Variants in NUMB observed in about 807,000 individuals in gnomAD.
NUMB encodes NUMB endocytic adaptor protein.
NUMB carries 29 observed loss-of-function variants against 59.7 expected under a neutral mutation model. The observed-to-expected ratio is 0.49, with a 90% CI of 0.36 to 0.66. NUMB has a LOEUF of 0.66. Among genes scored for constraint, NUMB ranks in the 30% least tolerant of loss-of-function variants. The pLI, the probability that NUMB is intolerant of heterozygous loss-of-function variation, is 0.00. For missense variants in NUMB, 723 were observed against 822.0 expected, an observed-to-expected ratio of 0.88 and a Z score of 1.47; for synonymous variants, 288 against 288.2, an observed-to-expected ratio of 1.00 and a Z score of 0.01.
At chr14:73,315,343 T>C (rs1318814823) in intron 6 of NUMB, among the ~76,000 whole-genome samples, 1 of 152,170 alleles carries the variant, frequency 6.6e-6, no homozygotes, top group Non-Finnish European at 1.5e-5. Flanking sequence ...TTTTCTCTCA[T>C]ACTGTCTCAG....
At chr14:73,419,326 C>G (rs1334917407) in intron 1 of NUMB, among the ~76,000 whole-genome samples, 2 of 151,978 alleles carry the variant, frequency 1.3e-5, no homozygotes, top group Non-Finnish European at 2.9e-5. Flanking sequence ...CTGGCTAACA[C>G]GGTGAAACCC....
intron 1 of NUMB, among the ~76,000 whole-genome samples, chr14:73,435,758 G>C (rs1424542931): frequency 6.6e-6 from 1 of 151,892 alleles, no homozygotes; most frequent in African/African-American, 2.4e-5. Context: ...TGTAATCCCA[G>C]CACTTTGGGA....
chr14:73,351,248 C>A (rs994672006), intron 4 of NUMB, among the ~76,000 whole-genome samples: 2 of 151,754 alleles, frequency 1.3e-5, no homozygotes, highest in African/African-American at 4.8e-5. Context: ...CTGAGGCGGG[C>A]GGATCACAAG....
intron 1 of NUMB, among the ~76,000 whole-genome samples, chr14:73,432,953 C>A: frequency 6.6e-6 from 1 of 152,148 alleles, no homozygotes; most frequent in East Asian, 1.9e-4. Context: ...GCCTGTAATC[C>A]CAGCACTTTG....
chr14:73,277,354 A>C, intron 12 of NUMB, 61 bp from the exon 13 acceptor site: 2 of 1,281,678 alleles, frequency 1.6e-6, no homozygotes, highest in South Asian at 1.5e-5. Context: ...TCACCTTATA[A>C]TCTTGGTTAT....
chr14:73,448,268 G>A (rs1009336373), intron 1 of NUMB, among the ~76,000 whole-genome samples: 2 of 152,178 alleles, frequency 1.3e-5, no homozygotes, highest in Non-Finnish European at 2.9e-5. Context: ...GTTCACTGAT[G>A]AGATTTGAAG....
chr14:73,345,318 G>A (rs1327244590), intron 4 of NUMB, among the ~76,000 whole-genome samples: 5 of 152,088 alleles, frequency 3.3e-5, no homozygotes, highest in Non-Finnish European at 5.9e-5. Flanking sequence ...ATACAAAGAT[G>A]GGGAACAACA....
rs1350360952 is a variant in NUMB, at chr14:73,279,444, CA to C, written c.1097-21del. On this transcript the variant is annotated intron_variant, in intron 11 of 12. Transcript: ENST00000555238. ...CATTAGCTACAACGGGAGCAGACAA[CA>C]TCAATGGAGTTAATTCATGCAGGGT... The C allele has an allele frequency of 5.1e-6, 8 of 1,555,704 alleles. No individual in the cohort carries two copies. Among genetic ancestry groups the C allele is most frequent in the African/African-American group, 1.4e-5 (1 of 73,290 alleles).
At chr14:73,342,908 G>GC (rs1566751196) in intron 4 of NUMB, among the ~76,000 whole-genome samples, 3 of 152,026 alleles carry the variant, frequency 2.0e-5, no homozygotes, top group Non-Finnish European at 4.4e-5. Flanking sequence ...GCAGTGATGC[G>GC]ATCATGGCTT....
intron 6 of NUMB, among the ~76,000 whole-genome samples, chr14:73,303,931 A>G (rs1281347055): frequency 6.6e-6 from 1 of 152,232 alleles, no homozygotes; most frequent in African/African-American, 2.4e-5. Context: ...ACTCTACACT[A>G]TAAATATCCA....
chr14:73,315,181 C>T (rs1281820959), intron 6 of NUMB, among the ~76,000 whole-genome samples: 1 of 152,016 alleles, frequency 6.6e-6, no homozygotes, highest in Non-Finnish European at 1.5e-5. Context: ...AAATGAGTTC[C>T]ATTTAAACAT....
rs760021162 is a variant in NUMB, at chr14:73,276,846, G to A, written c.1688C>T (p.Pro563Leu). 2.5e-6 allele frequency: 4 copies of A among 1,614,016 alleles called. No individual in the cohort carries two copies. Among genetic ancestry groups the A allele is most frequent in the African/African-American group, 2.7e-5 (2 of 74,938 alleles). The stretch of plus-strand genomic sequence containing the variant: ...GGTAGCACTGCTTGCCTCGTAGTGA[G>A]GGAATGTCTGCTGCCTGACCAGGCT... ...SPSLVRQQTF[P>L]HYEASSATTS... Residue 563 changes from proline (P) to leucine (L), a missense_variant, in exon 13 of 13, where the codon CCT becomes CTT. This residue lies in a region of NUMB where 406 missense variants were observed against 385.4 expected (regional missense o/e 1.05). Coordinates refer to ENST00000555238, the MANE Select transcript of NUMB (RefSeq NM_001005743.2).
chr14:73,401,930 G>C (rs1250811330), intron 2 of NUMB, among the ~76,000 whole-genome samples: 1 of 152,056 alleles, frequency 6.6e-6, no homozygotes, highest in Admixed American at 6.5e-5. Flanking sequence ...GGTACAATCA[G>C]AGCTCACTGC....
intron 3 of NUMB, among the ~76,000 whole-genome samples, chr14:73,364,667 G>A (rs1301236694): frequency 6.6e-6 from 1 of 151,872 alleles, no homozygotes; most frequent in Non-Finnish European, 1.5e-5. Context: ...TTGCTCTGTT[G>A]TCCAGGCTAC....
At chr14:73,327,476 C>T (rs548717683) in intron 4 of NUMB, among the ~76,000 whole-genome samples, 128 of 152,156 alleles carry the variant, frequency 8.4e-4, no homozygotes, top group Non-Finnish European at 1.7e-3. Context: ...AGGCTGGTCT[C>T]GATCTCTTGA....
At chr14:73,387,349 A>C (rs1256257385) in intron 2 of NUMB, among the ~76,000 whole-genome samples, 1 of 152,126 alleles carries the variant, frequency 6.6e-6, no homozygotes. Flanking sequence ...ACGACGGTTT[A>C]ATTCTTTACA....
At chr14:73,351,419 C>T (rs1370491515) in intron 4 of NUMB, among the ~76,000 whole-genome samples, 1 of 152,054 alleles carries the variant, frequency 6.6e-6, no homozygotes, top group Non-Finnish European at 1.5e-5. Flanking sequence ...TTGCAGTGAG[C>T]GGGGGTTGCA....
At chr14:73,286,949 T>G (rs1889050667) in intron 9 of NUMB, 161 bp downstream of exon 9, 1 of 681,812 alleles carries the variant, frequency 1.5e-6, no homozygotes, top group Non-Finnish European at 2.6e-6. Flanking sequence ...AACTAGCCAC[T>G]CTAAAGGAAG....
intron 1 of NUMB, among the ~76,000 whole-genome samples, chr14:73,442,931 C>T (rs1228008719): frequency 1.3e-5 from 2 of 152,104 alleles, no homozygotes; most frequent in African/African-American, 4.8e-5. Flanking sequence ...GGTGCAATCT[C>T]AGCTCACTGC....
Sources: gnomAD v4.1 joint callset for allele counts (sites outside exome capture counted in the v4.1 genomes callset) on GRCh38, gnomAD v4.1.1 for gene constraint, gnomAD v4.1.1 regional missense constraint, MANE v1.5 for transcripts, NCBI Gene and HGNC (gene_info 2026-07-23, HGNC 2026-07-21) for gene names.